RASAL2: variants seen among roughly 807,000 people sequenced by gnomAD.
RASAL2 encodes the protein ras GTPase-activating protein nGAP.
RASAL2 carries 58 observed loss-of-function variants against 128.9 expected under a neutral mutation model. The observed-to-expected ratio is 0.45, with a 90% CI of 0.36 to 0.56. The LOEUF (loss-of-function observed/expected upper bound fraction) is 0.56, where lower values mean the gene tolerates loss of function less well. Among genes scored for constraint, RASAL2 ranks in the 20% least tolerant of loss-of-function variants. The pLI, the probability that RASAL2 is intolerant of heterozygous loss-of-function variation, is 0.00. For missense variants in RASAL2, 1,360 were observed against 1,601.6 expected (o/e 0.85, Z 2.57); for synonymous variants, 561 against 580.8 (o/e 0.97, Z 0.49).
intron 1 of RASAL2, among the ~76,000 whole-genome samples, chr1:178,178,053 T>G (rs935902225): frequency 2.6e-5 from 4 of 152,168 alleles, no homozygotes; most frequent in South Asian, 2.1e-4. Context: ...GAATTGAGTT[T>G]AGAATCATCA....
chr1:178,196,298 TAAAG>T (rs1662656308), intron 1 of RASAL2, among the ~76,000 whole-genome samples: 1 of 151,928 alleles, frequency 6.6e-6, no homozygotes. Flanking sequence ...ACTAATACTA[TAAAG>T]AAAGGGAAAA....
chr1:178,258,972 A>G (rs1420652271), intron 1 of RASAL2, among the ~76,000 whole-genome samples: 1 of 152,186 alleles, frequency 6.6e-6, no homozygotes, highest in Non-Finnish European at 1.5e-5. Context: ...AATCTTGATT[A>G]TATTATGTTA....
intron 9 of RASAL2, among the ~76,000 whole-genome samples, chr1:178,448,758 G>T (rs1677186720): frequency 6.6e-6 from 1 of 151,904 alleles, no homozygotes; most frequent in Admixed American, 6.6e-5. Flanking sequence ...ATTCATATTT[G>T]AAATTCAGTG....
At chr1:178,440,939 T>C (rs1041043290) in intron 6 of RASAL2, among the ~76,000 whole-genome samples, 1 of 137,664 alleles carries the variant, frequency 7.3e-6, no homozygotes, top group African/African-American at 2.7e-5. Flanking sequence ...TCTCATCCTT[T>C]ATTACCTATT....
At chr1:178,470,521 T>C (rs1384681286) in intron 17 of RASAL2, among the ~76,000 whole-genome samples, 2 of 152,162 alleles carry the variant, frequency 1.3e-5, no homozygotes, top group African/African-American at 4.8e-5. Flanking sequence ...TTCTTAAATA[T>C]CAGACCAGAG....
intron 1 of RASAL2, among the ~76,000 whole-genome samples, chr1:178,217,731 A>G (rs1412248815): frequency 6.6e-6 from 1 of 152,210 alleles, no homozygotes; most frequent in Non-Finnish European, 1.5e-5. Context: ...TTTGTTGAAG[A>G]GTCTTGCCTC....
intron 4 of RASAL2, among the ~76,000 whole-genome samples, chr1:178,398,543 C>T (rs569532110): frequency 8.9e-4 from 135 of 152,168 alleles, no homozygotes; most frequent in African/African-American, 3.1e-3. Context: ...TATATCAATG[C>T]AATTAATATC....
chr1:178,174,193 G>A (rs1661808140), intron 1 of RASAL2, among the ~76,000 whole-genome samples: 1 of 151,902 alleles, frequency 6.6e-6, no homozygotes, highest in African/African-American at 2.4e-5. Flanking sequence ...GAAAATGTCA[G>A]CAATATTCTT....
At chr1:178,242,720 A>T (rs1049127976) in intron 1 of RASAL2, among the ~76,000 whole-genome samples, 1 of 151,882 alleles carries the variant, frequency 6.6e-6, no homozygotes, top group Non-Finnish European at 1.5e-5. Context: ...GGTGATACAG[A>T]TGTTGGATCT....
At chr1:178,461,598 AT>A (rs1678204444) in intron 14 of RASAL2, among the ~76,000 whole-genome samples, 1 of 152,150 alleles carries the variant, frequency 6.6e-6, no homozygotes, top group Non-Finnish European at 1.5e-5. Flanking sequence ...GTTCAGATTT[AT>A]CATGTACTCT....
intron 3 of RASAL2, among the ~76,000 whole-genome samples, chr1:178,326,654 C>T (rs1669052700): frequency 2.0e-5 from 3 of 152,180 alleles, no homozygotes; most frequent in South Asian, 2.1e-4. Context: ...AGGCAATTCT[C>T]CTGCCTCAGC....
At chr1:178,439,999 A>G (rs1676522337) in intron 6 of RASAL2, among the ~76,000 whole-genome samples, 2 of 75,540 alleles carry the variant, frequency 2.6e-5, no homozygotes, top group South Asian at 7.3e-4. Flanking sequence ...CCATCCATCC[A>G]TCCATCCATC....
At chr1:178,149,959 C>T (rs1392364519) in intron 1 of RASAL2, among the ~76,000 whole-genome samples, 1 of 152,058 alleles carries the variant, frequency 6.6e-6, no homozygotes, top group Non-Finnish European at 1.5e-5. Flanking sequence ...TTTGTGAGTT[C>T]TATTAGTATT....
rs750224018 is a variant in RASAL2, at chr1:178,390,258, C to G, written c.564+52C>G. 5 of 1,376,650 alleles carry G rather than the reference C, an allele frequency of 3.6e-6. No homozygotes were observed. In the South Asian group the frequency reaches 6.3e-5, roughly 17 times the overall value. 85.3% of individuals were successfully genotyped at this position (1,376,650 alleles called of 1,614,324 possible). ...TATTTTACTTTTCCTTTTCTCCTTT[C>G]TTCTTAGAGTTAGGGGCAGCTACTA... On this transcript the variant is annotated intron_variant, in intron 4 of 17. Transcript: ENST00000367649.
chr1:178,447,531 AG>A (rs1379006976), intron 9 of RASAL2, among the ~76,000 whole-genome samples: 2 of 151,468 alleles, frequency 1.3e-5, no homozygotes, highest in Non-Finnish European at 2.9e-5. Flanking sequence ...AAAATTAGCC[AG>A]GCATGGTGGC....
At chr1:178,264,320 C>G (rs1417206816) in intron 1 of RASAL2, among the ~76,000 whole-genome samples, 5 of 152,186 alleles carry the variant, frequency 3.3e-5, no homozygotes, top group Non-Finnish European at 7.3e-5. Context: ...TTTTAAATAA[C>G]TCATGTATTC....
At chr1:178,120,948 C>CT (rs1277689213) in intron 1 of RASAL2, 1 of 152,256 alleles carries the variant, frequency 6.6e-6, no homozygotes, top group African/African-American at 2.4e-5. Flanking sequence ...TGCTTGCCTG[C>CT]TGCTCATCTC....
intron 1 of RASAL2, among the ~76,000 whole-genome samples, chr1:178,226,387 A>G (rs1418165961): frequency 6.6e-6 from 1 of 152,172 alleles, no homozygotes; most frequent in Non-Finnish European, 1.5e-5. Context: ...TGTTTGAACT[A>G]AAGAGCTGAA....
At chr1:178,150,835 A>G (rs1017809745) in intron 1 of RASAL2, among the ~76,000 whole-genome samples, 3 of 152,174 alleles carry the variant, frequency 2.0e-5, no homozygotes, top group African/African-American at 7.2e-5. Flanking sequence ...GAGGTGGGAA[A>G]AAAGCAACAC....
Sources: allele counts gnomAD v4.1 joint callset (sites outside exome capture counted in the v4.1 genomes callset), GRCh38; gene constraint gnomAD v4.1.1; transcripts MANE v1.5; gene names NCBI Gene and HGNC (gene_info 2026-07-23, HGNC 2026-07-21).